AGTPBP1: variants seen among roughly 807,000 people sequenced by gnomAD.
AGTPBP1 encodes cytosolic carboxypeptidase 1.
Under a neutral mutation model 143.9 loss-of-function variants are expected in AGTPBP1, and 70 were observed. That is an observed-to-expected ratio of 0.49 (90% CI 0.40 to 0.59). The LOEUF is 0.59. AGTPBP1 is among the 20% of genes least tolerant of loss of function. The pLI is 0.00. For missense variants in AGTPBP1, 1,229 were observed against 1,464.5 expected (o/e 0.84, Z 2.62); for synonymous variants, 463 against 500.2 (o/e 0.93, Z 0.99).
intron 3 of AGTPBP1, among the ~76,000 whole-genome samples, chr9:85,687,927 T>C (rs532960844): frequency 3.0e-4 from 45 of 150,906 alleles, no homozygotes; most frequent in African/African-American, 1.0e-3. Flanking sequence ...CCGTCTCTAC[T>C]AAAAATACAA....
At chr9:85,697,745 C>T (rs1836360335) in intron 2 of AGTPBP1, among the ~76,000 whole-genome samples, 1 of 152,198 alleles carries the variant, frequency 6.6e-6, no homozygotes, top group African/African-American at 2.4e-5. Flanking sequence ...AGCCACTGCG[C>T]CCAGCCCTTA....
In AGTPBP1 at chr9:85,726,099, A is replaced by C. The variant is rs186771349; in HGVS notation, c.-33-13533T>G. ...AAAAAAAAATAGCCAGTGTGGTGGCATGCACCTATGGTCCCAGCTACATGG... is the reference window on the plus strand; with the variant it reads ...AAAAAAAAATAGCCAGTGTGGTGGCCTGCACCTATGGTCCCAGCTACATGG... On this transcript the variant is annotated intron_variant, in intron 1 of 25. Transcript: ENST00000357081. 5.7e-3 allele frequency among the ~76,000 whole-genome samples: 851 copies of C among 148,708 alleles called. 8 individuals carry two copies. Among genetic ancestry groups the C allele is most frequent in the African/African-American group, 0.019 (784 of 40,268 alleles).
At chr9:85,790,125 T>G in the AGTPBP1 span, among the ~76,000 whole-genome samples, 3 of 152,190 alleles carry the variant, frequency 2.0e-5, no homozygotes, top group Non-Finnish European at 4.4e-5. Flanking sequence ...TGATTAACAC[T>G]GATAATATAT....
In AGTPBP1 at chr9:85,632,807, G is replaced by A. The variant is rs1831766235; in HGVS notation, c.1870C>T (p.Leu624Phe). The A allele has an allele frequency of 6.2e-7, 1 of 1,614,162 alleles. No homozygotes were observed. Among genetic ancestry groups the A allele is most frequent in the Non-Finnish European group, 8.5e-7 (1 of 1,180,026 alleles). Residue 624 changes from leucine to phenylalanine, a missense_variant, in exon 14 of 26, where the codon CTC (leucine) becomes TTC (phenylalanine). Transcript: ENST00000357081. ...ASVEVPDGPT[L>F]HDPDLYIEIV... is the part of the protein sequence containing the mutation. Reference sequence around the variant, plus strand: ...TCAATATAGAGGTCTGGGTCATGGAGTGTTGGTCCATCAGGTACTTCAACC... The same window carrying A: ...TCAATATAGAGGTCTGGGTCATGGAATGTTGGTCCATCAGGTACTTCAACC...
At chr9:85,685,065 T>C (rs1451873028) in intron 3 of AGTPBP1, among the ~76,000 whole-genome samples, 5 of 150,342 alleles carry the variant, frequency 3.3e-5, no homozygotes, top group South Asian at 2.1e-4. Context: ...AATAGAACAA[T>C]AGAAATTATC....
At chr9:85,671,194 T>A (rs1210090369) in intron 7 of AGTPBP1, among the ~76,000 whole-genome samples, 1 of 152,080 alleles carries the variant, frequency 6.6e-6, no homozygotes, top group Non-Finnish European at 1.5e-5. Context: ...GCGGTCCTTC[T>A]GCCTAGCCTC....
chr9:85,786,142 A>G, the AGTPBP1 span: 1 of 1,608,280 alleles, frequency 6.2e-7, no homozygotes, highest in Non-Finnish European at 8.5e-7. Flanking sequence ...AGAAGGAGGC[A>G]TGCTTTCAGA....
intron 14 of AGTPBP1, among the ~76,000 whole-genome samples, chr9:85,629,884 T>C (rs1267738391): frequency 7.2e-5 from 11 of 152,160 alleles, no homozygotes; most frequent in Non-Finnish European, 1.5e-4. Flanking sequence ...AATAAGAGGG[T>C]TCCTTTGTAG....
the AGTPBP1 span, chr9:85,786,011 T>C: frequency 1.9e-5 from 18 of 966,572 alleles, no homozygotes; most frequent in Non-Finnish European, 2.5e-5. Flanking sequence ...TATTGGGTGA[T>C]AATAATGTAT....
At chr9:85,632,023 C>T (rs1158746691) in intron 14 of AGTPBP1, among the ~76,000 whole-genome samples, 1 of 152,044 alleles carries the variant, frequency 6.6e-6, no homozygotes, top group East Asian at 1.9e-4. Flanking sequence ...CAAAATAATA[C>T]TGTCTATATT....
At chr9:85,573,190 C>T (rs1210774672) in intron 25 of AGTPBP1, among the ~76,000 whole-genome samples, 1 of 152,082 alleles carries the variant, frequency 6.6e-6, no homozygotes, top group Non-Finnish European at 1.5e-5. Context: ...TCTCGGCTCA[C>T]TGCAACCTCC....
chr9:85,728,252 C>T (rs1036794511), intron 1 of AGTPBP1, among the ~76,000 whole-genome samples: 2 of 152,032 alleles, frequency 1.3e-5, no homozygotes, highest in African/African-American at 4.8e-5. Flanking sequence ...TAGTATTTCC[C>T]TTTTCTTTTC....
intron 17 of AGTPBP1, among the ~76,000 whole-genome samples, chr9:85,611,901 CGAACTCCTGACCTTGT>C (rs1830339947): frequency 1.3e-5 from 2 of 152,002 alleles, no homozygotes; most frequent in Non-Finnish European, 1.5e-5. Flanking sequence ...AGGCTGGTCT[CGAACTCCTGACCTTGT>C]GATCTACCCA....
At chr9:85,656,756 C>T (rs887321775) in intron 10 of AGTPBP1, among the ~76,000 whole-genome samples, 1 of 152,104 alleles carries the variant, frequency 6.6e-6, no homozygotes, top group African/African-American at 2.4e-5. Flanking sequence ...TTCCAGGTTT[C>T]ATTTTTGTAC....
chr9:85,759,789 GAT>G, the AGTPBP1 span, among the ~76,000 whole-genome samples: 5 of 152,266 alleles, frequency 3.3e-5, no homozygotes, highest in East Asian at 7.7e-4. Context: ...AACTGAAGGA[GAT>G]AGAGACACAG....
rs528995488 is a variant in AGTPBP1 at position 85,599,312 on chromosome 9, G to A, written c.2336-2863C>T. Among the ~76,000 whole-genome samples, 3 of 152,132 alleles carry A rather than the reference G, an allele frequency of 2.0e-5. No homozygotes were observed. In the East Asian group the frequency reaches 5.8e-4, roughly 29 times the overall value. Reference sequence around the variant, plus strand: ...TGGTTTATTCATAGTTGGTGATGACGGATATACATTTCATTGTATTCTCTC... The same window carrying A: ...TGGTTTATTCATAGTTGGTGATGACAGATATACATTTCATTGTATTCTCTC... On this transcript the variant is annotated intron_variant, in intron 17 of 25. Coordinates refer to ENST00000357081, the MANE Select transcript of AGTPBP1 (RefSeq NM_001330701.2).
intron 25 of AGTPBP1, among the ~76,000 whole-genome samples, chr9:85,567,058 C>T (rs558768543): frequency 6.6e-6 from 1 of 152,258 alleles, no homozygotes; most frequent in Admixed American, 6.5e-5. Flanking sequence ...TAAACTTGTG[C>T]TGGAGCCCTG....
chr9:85,569,054 T>C (rs569521278), intron 25 of AGTPBP1, among the ~76,000 whole-genome samples: 90 of 151,900 alleles, frequency 5.9e-4, no homozygotes, highest in African/African-American at 2.1e-3. Flanking sequence ...AATTGAGAAG[T>C]GGAAGAGGAG....
intron 14 of AGTPBP1, among the ~76,000 whole-genome samples, chr9:85,623,076 G>A (rs911406017): frequency 3.9e-5 from 6 of 152,228 alleles, no homozygotes; most frequent in South Asian, 2.1e-4. Flanking sequence ...GCTCGGGCCC[G>A]ACAGGGGCCA....
Sources: allele counts gnomAD v4.1 joint callset (sites outside exome capture counted in the v4.1 genomes callset), GRCh38; gene constraint gnomAD v4.1.1; transcripts MANE v1.5; gene names NCBI Gene and HGNC (gene_info 2026-07-23, HGNC 2026-07-21).